SVEP1: variants seen among roughly 807,000 people sequenced by gnomAD.
SVEP1 encodes sushi, von Willebrand factor type A, EGF and pentraxin domain containing 1, also known as sushi, von Willebrand factor type A, EGF and pentraxin domain-containing protein 1.
Under a neutral mutation model 367.3 loss-of-function variants are expected in SVEP1, and 164 were observed. The observed-to-expected ratio is 0.45, with a 90% CI of 0.39 to 0.51. The LOEUF (loss-of-function observed/expected upper bound fraction) is 0.51, where lower values mean the gene tolerates loss of function less well. Ranked by LOEUF, SVEP1 falls within the 20% of genes least tolerant of loss-of-function variation. SVEP1 has a pLI of 0.00. For synonymous variants in SVEP1, 1,666 were observed against 1,611.6 expected, an observed-to-expected ratio of 1.03 and a Z score of -0.81; for missense variants, 4,117 against 4,425.3, an observed-to-expected ratio of 0.93 and a Z score of 1.98.
At position 110,408,416 on chromosome 9, in the gene SVEP1, G is replaced by A; in HGVS notation, c.7184C>T (p.Ser2395Phe). 1 of 1,613,968 alleles carries A rather than the reference G, an allele frequency of 6.2e-7. No individual in the cohort carries two copies. Among genetic ancestry groups the A allele is most frequent in the Non-Finnish European group, 8.5e-7 (1 of 1,179,898 alleles). ...AGTACTTCCAAAATGAAGAGCAGAA[G>A]AAGGAATGGGGACACCAAAGGAAAT... ...PLISFGVPIP[S>F]SALHFGSTVK... The change falls in exon 38 of 48, where the codon TCT (serine) becomes TTT (phenylalanine). Residue 2395 changes from serine to phenylalanine, a missense_variant. Transcript: ENST00000374469.
At chr9:110,537,172 A>G in intron 3 of SVEP1, among the ~76,000 whole-genome samples, 1 of 152,004 alleles carries the variant, frequency 6.6e-6, no homozygotes, top group South Asian at 2.1e-4. Flanking sequence ...ATTGAGTGAC[A>G]TCAATTTAAC....
rs1830662730 is a variant in SVEP1, at chr9:110,579,239, T to G, written c.305A>C (p.Glu102Ala). The change falls in exon 1 of 48, where the codon GAG becomes GCG. Residue 102 changes from glutamate to alanine, a missense_variant. Physicochemically the swap from Glu to Ala is moderately radical, Grantham distance 107 (BLOSUM62 -1). Coordinates refer to ENST00000374469, the MANE Select transcript of SVEP1 (RefSeq NM_153366.4). The surrounding 1 kb of genome is among the most constrained non-coding windows in gnomAD (Gnocchi z 5.3). ...CAGCAGCTTGCGGACGAACATGAGC[T>G]CGCTGCGGAAGTTGACTTCGCCCAC... ...SSVGEVNFRS[E>A]LMFVRKLLSD... 1.3e-6 allele frequency: 2 copies of G among 1,570,076 alleles called. No homozygotes were observed. The highest frequency in any genetic ancestry group is 1.7e-6 in the Non-Finnish European group (2 of 1,158,680).
In SVEP1 at chr9:110,432,533, T is replaced by C. The variant is rs776369724; in HGVS notation, c.5162A>G (p.Tyr1721Cys). The change falls in exon 31 of 48, where the codon TAT (tyrosine) becomes TGT (cysteine). Residue 1721 changes from tyrosine to cysteine, a missense_variant. This residue lies in a region of SVEP1 where 2,174 missense variants were observed against 2,494.3 expected (regional missense o/e 0.87). Coordinates refer to ENST00000374469, the MANE Select transcript of SVEP1 (RefSeq NM_153366.4). ...TVTYQCNNGY[Y>C]LLGDSRMFCT... ...GAACATCCTTGAGTCACCCAATAGA[T>C]AGTAGCCATTGTTGCACTGGTAGGT... is the stretch of plus-strand genomic sequence containing the variant. The C allele has an allele frequency of 3.1e-6, 5 of 1,613,886 alleles. No homozygotes were observed. Among genetic ancestry groups the C allele is most frequent in the Non-Finnish European group, 4.2e-6 (5 of 1,179,808 alleles).
In SVEP1 at chr9:110,496,924, G is replaced by T. The variant is rs773394302; in HGVS notation, c.1691C>A (p.Ala564Asp). The change falls in exon 8 of 48, where the codon GCT becomes GAT. Residue 564 changes from alanine to aspartate, a missense_variant. Transcript: ENST00000374469. Reference protein sequence around the residue: ...VQAAVCKDVEAPQINCPKDIE... With the variant: ...VQAAVCKDVEDPQINCPKDIE... ...GTCCTTAGGACAGTTGATTTGAGGA[G>T]CCTCCACGTCTAACTCAGAAAAATA... is the stretch of plus-strand genomic sequence containing the variant. The T allele has an allele frequency of 4.5e-5, 70 of 1,544,026 alleles. No individual in the cohort carries two copies. The highest frequency in any genetic ancestry group is 5.7e-5 in the Non-Finnish European group (65 of 1,141,112).
At chr9:110,486,498 T>C (rs1381633238) in intron 9 of SVEP1, among the ~76,000 whole-genome samples, 1 of 152,092 alleles carries the variant, frequency 6.6e-6, no homozygotes, top group Non-Finnish European at 1.5e-5. Flanking sequence ...CTGAAGAAAA[T>C]AAGAAAAATG....
intron 30 of SVEP1, among the ~76,000 whole-genome samples, chr9:110,432,898 A>G (rs1828373037): frequency 6.6e-6 from 1 of 152,154 alleles, no homozygotes; most frequent in Non-Finnish European, 1.5e-5. Context: ...TCCCTGCCCA[A>G]ATCTCATGTT....
chr9:110,506,364 A>G (rs1829626626), intron 5 of SVEP1, among the ~76,000 whole-genome samples: 1 of 152,240 alleles, frequency 6.6e-6, no homozygotes, highest in Admixed American at 6.5e-5. Flanking sequence ...AAATTGACAA[A>G]TGGGACCTAA....
At chr9:110,438,181 T>G (rs1828459577) in intron 27 of SVEP1, among the ~76,000 whole-genome samples, 1 of 73,404 alleles carries the variant, frequency 1.4e-5, no homozygotes, top group East Asian at 6.6e-4. Flanking sequence ...TATGCTATTT[T>G]TTTTTTTTTT....
chr9:110,502,808 T>A (rs1405764809), intron 6 of SVEP1, among the ~76,000 whole-genome samples: 3 of 151,836 alleles, frequency 2.0e-5, no homozygotes, highest in Admixed American at 2.0e-4. Flanking sequence ...TTTGAAGGTA[T>A]AAACCTCTGT....
chr9:110,494,278 A>G (rs1202953234), intron 8 of SVEP1, among the ~76,000 whole-genome samples: 1 of 152,182 alleles, frequency 6.6e-6, no homozygotes, highest in Non-Finnish European at 1.5e-5. Flanking sequence ...GAGGCATAGA[A>G]GGGGGAAAAT....
In SVEP1 at chr9:110,406,705, A is replaced by G; in HGVS notation, c.8895T>C (p.Phe2965=). The G allele has an allele frequency of 6.2e-7, 1 of 1,614,026 alleles. No individual in the cohort carries two copies. The change falls in exon 38 of 48, where the codon TTT becomes TTC. Residue 2965 remains phenylalanine (F), a synonymous_variant. Transcript: ENST00000374469. ...GATACTGTATATGGCCCCCATGAAT[A>G]AAGGAAAAACCATTAGGGAAACCAT... ...LAHGFPNGFS[F]IHGGHIQYQC...
chr9:110,519,212 T>C (rs183521203), intron 3 of SVEP1, among the ~76,000 whole-genome samples: 367 of 152,324 alleles, frequency 2.4e-3, no homozygotes, highest in Non-Finnish European at 4.0e-3. Flanking sequence ...GTCATGTGAG[T>C]AAAGCAACAA....
chr9:110,370,366 ATTTT>A (rs960863971), intron 46 of SVEP1, among the ~76,000 whole-genome samples: 1 of 152,136 alleles, frequency 6.6e-6, no homozygotes, highest in African/African-American at 2.4e-5. Context: ...TGAACTATAA[ATTTT>A]TTTGTGTTCA....
rs1395084260 is a variant in SVEP1 at position 110,431,964 on chromosome 9, G to A, written c.5304C>T (p.Tyr1768=). The change falls in exon 32 of 48, where the codon TAC becomes TAT. Residue 1768 remains tyrosine (Y), a synonymous_variant. Transcript: ENST00000374469. Reference sequence around the variant, plus strand: ...TGTACGGTGGGACACATGAACATATGTAGGATCCATCTACGTTCAGGCAAG... The same window carrying A: ...TGTACGGTGGGACACATGAACATATATAGGATCCATCTACGTTCAGGCAAG... ...HASCLNVDGS[Y]ICSCVPPYTG... The A allele has an allele frequency of 1.9e-6, 3 of 1,613,516 alleles. No individual in the cohort carries two copies. The highest frequency in any genetic ancestry group is 2.5e-6 in the Non-Finnish European group (3 of 1,179,708).
intron 24 of SVEP1, among the ~76,000 whole-genome samples, chr9:110,447,807 A>G (rs1828625902): frequency 6.6e-6 from 1 of 152,226 alleles, no homozygotes; most frequent in South Asian, 2.1e-4. Flanking sequence ...TCATAGCAGG[A>G]TCATTCTAAA....
In SVEP1 at chr9:110,579,110, G is replaced by T; in HGVS notation, c.434C>A (p.Ala145Glu). The T allele has an allele frequency of 6.4e-7, 1 of 1,553,334 alleles. No individual in the cohort carries two copies. The highest frequency in any genetic ancestry group is 8.7e-7 in the Non-Finnish European group (1 of 1,148,748). The stretch of plus-strand genomic sequence containing the variant: ...GAGCAGCGCGCACTTGTGCTGGCGC[G>T]CGCGGCGGGTGGAGATGTAATCGAC... The part of the protein sequence containing the change: ...PRVDYISTRR[A>E]RQHKCALLLQ... Residue 145 changes from alanine to glutamate, a missense_variant, in exon 1 of 48, where the codon GCG becomes GAG. By Grantham distance (107) the Ala-to-Glu change is moderately radical. Coordinates refer to ENST00000374469, the MANE Select transcript of SVEP1 (RefSeq NM_153366.4). The surrounding 1 kb of genome is among the most constrained non-coding windows in gnomAD (Gnocchi z 5.3).
In SVEP1 at chr9:110,416,934, C is replaced by T. The variant is rs539834419; in HGVS notation, c.5976-5199G>A. On this transcript the variant is annotated intron_variant, in intron 36 of 47. Coordinates refer to ENST00000374469, the MANE Select transcript of SVEP1 (RefSeq NM_153366.4). ...TTAGATGCTAGTAGCATCTTCCCCCCAGTTGTGACAACCAAAAATGTCTCC... is the reference window on the plus strand; with the variant it reads ...TTAGATGCTAGTAGCATCTTCCCCCTAGTTGTGACAACCAAAAATGTCTCC... Among the ~76,000 whole-genome samples the T allele has an allele frequency of 5.3e-5, 8 of 152,186 alleles. No homozygotes were observed. In the East Asian group the frequency reaches 1.5e-3, roughly 29 times the overall value.
chr9:110,405,830 C>T (rs534037960), intron 38 of SVEP1, among the ~76,000 whole-genome samples: 8 of 152,178 alleles, frequency 5.3e-5, no homozygotes, highest in Non-Finnish European at 1.0e-4. Flanking sequence ...AAGAAATTTA[C>T]TATCCTGATG....
chr9:110,366,060 G>T lies in SVEP1; in HGVS notation c.*479C>A. On this transcript the variant is annotated 3_prime_UTR_variant, in exon 48 of 48. Transcript: ENST00000374469. ...ATAGAAGATGGAACCAGAACAAAGG[G>T]GTCTCCTTTATTGTAAGGGGTCTCC... The T allele has an allele frequency of 6.5e-6, 1 of 152,936 alleles. No individual in the cohort carries two copies. The highest frequency in any genetic ancestry group is 6.5e-5 in the Admixed American group (1 of 15,278). 9.5% of individuals were successfully genotyped at this position (152,936 alleles called of 1,614,324 possible).
Sources: allele counts gnomAD v4.1 joint callset (sites outside exome capture counted in the v4.1 genomes callset), GRCh38; gene constraint gnomAD v4.1.1; regional missense constraint gnomAD v4.1.1; non-coding constraint Gnocchi (gnomAD v3.1); transcripts MANE v1.5; gene names NCBI Gene and HGNC (gene_info 2026-07-23, HGNC 2026-07-21).